HR: variants seen among roughly 807,000 people sequenced by gnomAD.
HR encodes the protein HR lysine demethylase and nuclear receptor corepressor, also known as lysine-specific demethylase hairless.
HR carries 83 observed loss-of-function variants against 128.6 expected under a neutral mutation model. The ratio of observed to expected loss-of-function variants is 0.65; its 90% confidence interval spans 0.54 to 0.77. The LOEUF (loss-of-function observed/expected upper bound fraction) is 0.77. Among genes scored for constraint, HR ranks in the 30% least tolerant of loss-of-function variants. The pLI is 0.00. For synonymous variants in HR, 681 were observed against 658.2 expected (o/e 1.03, Z -0.53); for missense variants, 1,490 against 1,574.6 (o/e 0.95, Z 0.91).
chr8:22,123,155 C>T (rs989279063), intron 6 of HR, among the ~76,000 whole-genome samples: 3 of 152,168 alleles, frequency 2.0e-5, no homozygotes, highest in Non-Finnish European at 4.4e-5. Flanking sequence ...TTCTGGTCAT[C>T]CCTACTGGAA....
intron 2 of HR, chr8:22,128,108 A>G: frequency 1.8e-6 from 1 of 570,188 alleles, no homozygotes. Context: ...TGTTTGGGCC[A>G]TTTGGTGTCC....
chr8:22,120,017 G>A, intron 13 of HR, 87 bp downstream of exon 13: 2 of 1,569,610 alleles, frequency 1.3e-6, no homozygotes, highest in South Asian at 1.1e-5. Flanking sequence ...CGGGGTGGGG[G>A]TTGGGGGCAG....
chr8:22,118,269 C>A (rs1826641940), intron 16 of HR: 1 of 153,096 alleles, frequency 6.5e-6, no homozygotes. Flanking sequence ...ACGGGGCTGC[C>A]CTCGCCTTAC....
intron 13 of HR, 51 bp downstream of exon 13, chr8:22,120,053 C>T (rs758033066): frequency 3.8e-6 from 6 of 1,563,638 alleles, no homozygotes; most frequent in Non-Finnish European, 5.2e-6. Flanking sequence ...CTGAACCAGG[C>T]GGGGCCTGCG....
intron 1 of HR, 132 bp from the exon 2 acceptor site, chr8:22,129,342 C>A: frequency 1.5e-6 from 1 of 658,864 alleles, no homozygotes; most frequent in Non-Finnish European, 2.4e-6. Flanking sequence ...CAGCCCACAA[C>A]TGGGCACCAT....
chr8:22,116,986 G>A lies in HR; in HGVS notation c.3267C>T (p.Tyr1089=), dbSNP rs1826607504. Residue 1089 remains tyrosine (Y), a synonymous_variant, in exon 17 of 19, where the codon TAC becomes TAT. Transcript: ENST00000381418. The surrounding 1 kb of genome is among the most constrained non-coding windows in gnomAD (Gnocchi z 4.2). ...GGCGCCGCCGCAGCCCTGCATCCAGGTAGCAGCTGCCTGGGGCGCCAGGCT... is the reference window on the plus strand; with the variant it reads ...GGCGCCGCCGCAGCCCTGCATCCAGATAGCAGCTGCCTGGGGCGCCAGGCT... ...ALEPGAPGSC[Y]LDAGLRRRLR... is the part of the protein sequence containing the mutation. 1 of 1,531,662 alleles carries A rather than the reference G, an allele frequency of 6.5e-7. No homozygotes were observed. Among genetic ancestry groups the A allele is most frequent in the South Asian group, 1.2e-5 (1 of 83,814 alleles). 94.9% of individuals were successfully genotyped at this position (1,531,662 alleles called of 1,614,324 possible).
chr8:22,126,008 C>T (rs1408002980), intron 3 of HR, among the ~76,000 whole-genome samples: 2 of 152,174 alleles, frequency 1.3e-5, no homozygotes, highest in East Asian at 3.8e-4. Flanking sequence ...GCAGCTGGGG[C>T]GATCGTCCTG....
rs1397804493 is a variant in HR, at chr8:22,119,794, C to A, written c.2943G>T (p.Leu981=). 1 of 1,613,290 alleles carries A rather than the reference C, an allele frequency of 6.2e-7. No homozygotes were observed. The highest frequency in any genetic ancestry group is 1.3e-5 in the African/African-American group (1 of 74,920). The change falls in exon 14 of 19, where the codon CTG becomes CTT. Residue 981 remains leucine (L), a synonymous_variant. Coordinates refer to ENST00000381418, the MANE Select transcript of HR (RefSeq NM_005144.5). The part of the protein sequence containing the change: ...LASYLPPGLA[L]RPLEPQLWAA... Reference sequence around the variant, plus strand: ...CCCAGAGCTGGGGCTCCAGTGGACGCAGGGCAAGGCCCGGTGGGAGGTAGG... The same window carrying A: ...CCCAGAGCTGGGGCTCCAGTGGACGAAGGGCAAGGCCCGGTGGGAGGTAGG...
rs574044760 is a variant in HR at position 22,126,998 on chromosome 8, C to A, written c.1405+39G>T. On this transcript the variant is annotated intron_variant, in intron 3 of 18. Coordinates refer to ENST00000381418, the MANE Select transcript of HR (RefSeq NM_005144.5). ...GCGAAGCCCCAGCCCCGGCTGCCCCCTCCCACGCAGGGCCTGCAGCCCCTC... is the reference window on the plus strand; with the variant it reads ...GCGAAGCCCCAGCCCCGGCTGCCCCATCCCACGCAGGGCCTGCAGCCCCTC... 12 of 1,587,200 alleles carry A rather than the reference C, an allele frequency of 7.6e-6. No individual in the cohort carries two copies. In the South Asian group the frequency reaches 1.3e-4, roughly 17 times the overall value.
intron 5 of HR, among the ~76,000 whole-genome samples, chr8:22,124,784 G>A (rs1296581256): frequency 2.6e-5 from 4 of 152,220 alleles, no homozygotes; most frequent in African/African-American, 7.2e-5. Flanking sequence ...AGGGAGCCGG[G>A]AAGGGAAGGA....
rs150013665 is a variant in HR, at chr8:22,121,114, T to C, written c.2318A>G (p.His773Arg). The C allele has an allele frequency of 6.2e-7, 1 of 1,613,730 alleles. No homozygotes were observed. The highest frequency in any genetic ancestry group is 1.3e-5 in the African/African-American group (1 of 74,934). The change falls in exon 10 of 19, where the codon CAT (histidine) becomes CGT (arginine). Residue 773 changes from histidine (H) to arginine (R), a missense_variant. His to Arg is a conservative substitution (Grantham distance 29). This residue lies in a region of HR where 1,060 missense variants were observed against 1,060.9 expected (regional missense o/e 1.00). Coordinates refer to ENST00000381418, the MANE Select transcript of HR (RefSeq NM_005144.5). ...ASTAVKLCLG[H>R]ERIHMAFAPV... ...GGCGAAGGCCATGTGTATTCGCTCA[T>C]GGCCCAAGCAGAGTTTGACCGCGGT... is the stretch of plus-strand genomic sequence containing the variant.
In HR at chr8:22,115,342, T is replaced by G. The variant is rs1240960156; in HGVS notation, c.*358A>C. 4 of 400,906 alleles carry G rather than the reference T, an allele frequency of 1.0e-5. No individual in the cohort carries two copies. The highest frequency in any genetic ancestry group is 5.0e-5 in the East Asian group (1 of 19,864). 24.8% of individuals were successfully genotyped at this position (400,906 alleles called of 1,614,324 possible). A position where few individuals can be genotyped will look rare whatever the true frequency, so the allele number is the denominator to read the frequency against. On this transcript the variant is annotated 3_prime_UTR_variant, in exon 19 of 19. Transcript: ENST00000381418. Reference sequence around the variant, plus strand: ...AGCGGGAGTGAGCAGCAGGAGGAGGTGTTGTTTAAGCCAGAATGATTCCCA... The same window carrying G: ...AGCGGGAGTGAGCAGCAGGAGGAGGGGTTGTTTAAGCCAGAATGATTCCCA...
chr8:22,125,340 C>T lies in HR; in HGVS notation c.1721G>A (p.Arg574Gln), dbSNP rs1476480948. 6 of 1,594,396 alleles carry T rather than the reference C, an allele frequency of 3.8e-6. No homozygotes were observed. Among genetic ancestry groups the T allele is most frequent in the Middle Eastern group, 1.7e-4 (1 of 6,028 alleles). Residue 574 changes from arginine (R) to glutamine (Q), a missense_variant, in exon 5 of 19, where the codon CGG (arginine) becomes CAG (glutamine). Physicochemically the swap from Arg to Gln is conservative, Grantham distance 43 (BLOSUM62 1). Transcript: ENST00000381418. ...CCGCTGGGCCCAAGCCAGGGCCTCC[C>T]GCTCCCTCCGCAGCAGGCGGCACAG... ...DRLCRLLRREREALAWAQREG... is the reference protein window; with the variant it reads ...DRLCRLLRREQEALAWAQREG...
chr8:22,127,890 G>T, intron 2 of HR, 61 bp from the exon 3 acceptor site: 2 of 1,479,802 alleles, frequency 1.4e-6, no homozygotes, highest in African/African-American at 1.4e-5. Context: ...CTAAATGGAT[G>T]GGCAGAACTG....
At chr8:22,129,337 C>A in intron 1 of HR, 127 bp from the exon 2 acceptor site, 1 of 668,540 alleles carries the variant, frequency 1.5e-6, no homozygotes, top group Non-Finnish European at 2.4e-6. Context: ...AGTGCCAGCC[C>A]ACAACTGGGC....
Position 22,127,493 on chromosome 8 carries a change from G to C in HR, c.949C>G (p.Pro317Ala). 1 of 1,612,442 alleles carries C rather than the reference G, an allele frequency of 6.2e-7. No homozygotes were observed. The highest frequency in any genetic ancestry group is 8.5e-7 in the Non-Finnish European group (1 of 1,179,402). ...GPPATPRCPS[P>A]EPPVTQRGCC... ...CCCCGCTGGGTGACAGGCGGCTCAG[G>C]AGAGGGGCACCTTGGTGTTGCTGGT... The change falls in exon 3 of 19, where the codon CCT (proline) becomes GCT (alanine). Residue 317 changes from proline (P) to alanine (A), a missense_variant. This residue lies in a region of HR where 1,060 missense variants were observed against 1,060.9 expected (regional missense o/e 1.00). Coordinates refer to ENST00000381418, the MANE Select transcript of HR (RefSeq NM_005144.5).
intron 2 of HR, 52 bp from the exon 3 acceptor site, chr8:22,127,881 T>C (rs538658963): frequency 6.5e-7 from 1 of 1,530,994 alleles, no homozygotes; most frequent in Non-Finnish European, 8.9e-7. Flanking sequence ...TCCCCATGCC[T>C]AAATGGATGG....
rs138533876 is a variant in HR at position 22,125,681 on chromosome 8, G to T, written c.1457C>A (p.Pro486Gln). 142 of 1,613,906 alleles carry T rather than the reference G, an allele frequency of 8.8e-5. 1 individual carries two copies. In the African/African-American group the frequency reaches 1.7e-3, roughly 19 times the overall value. ...CAGTTTTGCAGGGAGAGCCAGGCAT[G>T]GTATGTCCTGAAGTCCCGGGTCCTG... ...SLQDPGLQDI[P>Q]CLALPAKLAQ... Residue 486 changes from proline (P) to glutamine (Q), a missense_variant, in exon 4 of 19, where the codon CCA (proline) becomes CAA (glutamine). By Grantham distance (76) the Pro-to-Gln change is moderately conservative. Transcript: ENST00000381418.
At position 22,127,516 on chromosome 8, in the gene HR, G is replaced by A. The variant is rs1451848175; in HGVS notation, c.926C>T (p.Pro309Leu). ...AGGAGAGGGGCACCTTGGTGTTGCT[G>A]GTGGCCCCAGCTGGTACCCAAGGTT... ...DGNLGYQLGP[P>L]ATPRCPSPEP... The change falls in exon 3 of 19, where the codon CCA (proline) becomes CTA (leucine). Residue 309 changes from proline to leucine, a missense_variant. Physicochemically the swap from Pro to Leu is moderately conservative, Grantham distance 98. Transcript: ENST00000381418. The A allele has an allele frequency of 6.2e-7, 1 of 1,612,958 alleles. No individual in the cohort carries two copies.
Sources: allele counts gnomAD v4.1 joint callset (sites outside exome capture counted in the v4.1 genomes callset), GRCh38; gene constraint gnomAD v4.1.1; regional missense constraint gnomAD v4.1.1; non-coding constraint Gnocchi (gnomAD v3.1); transcripts MANE v1.5; gene names NCBI Gene and HGNC (gene_info 2026-07-23, HGNC 2026-07-21).